The following ZNF608 variants were observed in gnomAD, a reference collection of about 807,000 sequenced individuals.
The protein encoded by ZNF608 is zinc finger protein 608.
Under a neutral mutation model 109.0 loss-of-function variants are expected in ZNF608, and 12 were observed. The observed-to-expected ratio is 0.11, with a 90% confidence interval of 0.07 to 0.18. The LOEUF is 0.18. Among genes scored for constraint, ZNF608 ranks in the 10% least tolerant of loss-of-function variants. The pLI, the probability that ZNF608 is intolerant of heterozygous loss-of-function variation, is 1.00. For synonymous variants in ZNF608, 732 were observed against 717.4 expected (o/e 1.02, Z -0.33); for missense variants, 1,707 against 1,879.3 (o/e 0.91, Z 1.70).
At chr5:124,641,627 G>A (rs958333844) in intron 7 of ZNF608, among the ~76,000 whole-genome samples, 5 of 152,128 alleles carry the variant, frequency 3.3e-5, no homozygotes, top group Non-Finnish European at 1.5e-5. Context: ...TAAACCAAGT[G>A]ACACCAATGT....
intron 2 of ZNF608, among the ~76,000 whole-genome samples, chr5:124,704,278 G>A (rs1348269596): frequency 2.0e-5 from 3 of 152,196 alleles, no homozygotes; most frequent in Admixed American, 1.3e-4. Flanking sequence ...TTGCACAAGT[G>A]AATTTCTTCG....
At chr5:124,713,201 G>A (rs1753569721) in intron 2 of ZNF608, among the ~76,000 whole-genome samples, 2 of 152,160 alleles carry the variant, frequency 1.3e-5, no homozygotes, top group East Asian at 3.9e-4. Flanking sequence ...GTTCCCTAAG[G>A]TGGTTCCACC....
chr5:124,646,376 A>T (rs192922731), intron 5 of ZNF608, among the ~76,000 whole-genome samples: 1,764 of 152,292 alleles, frequency 0.012, 41 homozygotes, highest in African/African-American at 0.041. Context: ...TAAAAAATTT[A>T]AAAAAAGAAA....
intron 2 of ZNF608, among the ~76,000 whole-genome samples, chr5:124,738,901 C>T (rs1364324280): frequency 6.6e-6 from 1 of 152,206 alleles, no homozygotes; most frequent in African/African-American, 2.4e-5. Context: ...CGTTAAAAAA[C>T]CAGATCACAC....
intron 2 of ZNF608, among the ~76,000 whole-genome samples, chr5:124,729,626 T>C (rs1436675667): frequency 1.3e-5 from 2 of 152,254 alleles, no homozygotes; most frequent in Non-Finnish European, 1.5e-5. Flanking sequence ...CTTCTATATG[T>C]GTATATGTTT....
At chr5:124,683,856 G>C (rs1255315099) in intron 3 of ZNF608, among the ~76,000 whole-genome samples, 1 of 152,188 alleles carries the variant, frequency 6.6e-6, no homozygotes, top group Non-Finnish European at 1.5e-5. Context: ...ATCTGGTACA[G>C]GCACGTTAGA....
At chr5:124,678,867 T>A (rs562227185) in intron 3 of ZNF608, among the ~76,000 whole-genome samples, 3 of 152,220 alleles carry the variant, frequency 2.0e-5, no homozygotes, top group Admixed American at 6.5e-5. Context: ...CACCATTAAG[T>A]CAGAAAAGTC....
Position 124,646,853 on chromosome 5 carries a change from A to C in ZNF608, c.3531T>G (p.Thr1177=). 9 of 1,614,186 alleles carry C rather than the reference A, an allele frequency of 5.6e-6. No individual in the cohort carries two copies. The highest frequency in any genetic ancestry group is 7.6e-6 in the Non-Finnish European group (9 of 1,180,030). The part of the protein sequence containing the change: ...SKLGPSVPNK[T]EETGKSQLLS... Reference sequence around the variant, plus strand: ...GAAGCTGCGATTTACCTGTCTCCTCAGTTTTATTAGGCACTGATGGCCCTA... The same window carrying C: ...GAAGCTGCGATTTACCTGTCTCCTCCGTTTTATTAGGCACTGATGGCCCTA... The change falls in exon 5 of 10, where the codon ACT becomes ACG. Residue 1177 remains threonine, a synonymous_variant. Coordinates refer to ENST00000513986, the MANE Select transcript of ZNF608 (RefSeq NM_020747.3).
At chr5:124,706,008 G>GCCCTTCTGC (rs1753244884) in intron 2 of ZNF608, among the ~76,000 whole-genome samples, 1 of 152,232 alleles carries the variant, frequency 6.6e-6, no homozygotes, top group Non-Finnish European at 1.5e-5. Context: ...CTTCTGGACT[G>GCCCTTCTGC]ACTGTGTAGT....
At position 124,744,708 on chromosome 5, in the gene ZNF608, C is replaced by T; in HGVS notation, c.282G>A (p.Gln94=). 1 of 1,614,198 alleles carries T rather than the reference C, an allele frequency of 6.2e-7. No homozygotes were observed. The change falls in exon 2 of 10, where the codon CAG becomes CAA. Residue 94 remains glutamine, a synonymous_variant. Transcript: ENST00000513986. The surrounding 1 kb of genome is among the most constrained non-coding windows in gnomAD (Gnocchi z 4.5). ...TGCTGGTCTCTTTGTGTGAATTCCC[C>T]TGGGGAGCAGAGGCCTGAACAGAAG... The part of the protein sequence containing the change: ...KFASVQASAP[Q]GNSHKETSKS...
chr5:124,683,872 G>A (rs532830560), intron 3 of ZNF608, among the ~76,000 whole-genome samples: 1 of 152,090 alleles, frequency 6.6e-6, no homozygotes, highest in Admixed American at 6.6e-5. Context: ...TTAGACCAGG[G>A]GTTCCAAAAC....
At chr5:124,709,446 A>C (rs184154028) in intron 2 of ZNF608, among the ~76,000 whole-genome samples, 23 of 152,340 alleles carry the variant, frequency 1.5e-4, no homozygotes, top group Admixed American at 7.8e-4. Context: ...TACTCTACTC[A>C]ATGTCTTAAA....
chr5:124,661,579 A>C (rs979282858), intron 3 of ZNF608, among the ~76,000 whole-genome samples: 2 of 152,148 alleles, frequency 1.3e-5, no homozygotes, highest in African/African-American at 4.8e-5. Flanking sequence ...AGTGTGACTA[A>C]TAGTGCTCTC....
At chr5:124,743,944 A>G (rs769857559) in intron 2 of ZNF608, 140 bp downstream of exon 2, 22 of 1,257,544 alleles carry the variant, frequency 1.7e-5, no homozygotes, top group Middle Eastern at 2.1e-4. Flanking sequence ...TCAAATTTTA[A>G]TATAAAGGAT....
At chr5:124,707,867 C>G (rs995626339) in intron 2 of ZNF608, 2 of 152,246 alleles carry the variant, frequency 1.3e-5, no homozygotes, top group African/African-American at 4.8e-5. Context: ...AAACCTGTAA[C>G]AACTGAATTT....
chr5:124,712,010 G>GTAGCT (rs1222850783), intron 2 of ZNF608, among the ~76,000 whole-genome samples: 1 of 152,182 alleles, frequency 6.6e-6, no homozygotes, highest in East Asian at 1.9e-4. Flanking sequence ...TTAGCCGGGT[G>GTAGCT]TAGGTGTGTG....
chr5:124,661,483 GA>G (rs34532609), intron 3 of ZNF608, among the ~76,000 whole-genome samples: 66,762 of 136,310 alleles, frequency 0.49, 15,381 homozygotes, highest in East Asian at 0.69. Flanking sequence ...TTTCAGGGAA[GA>G]AAAAAAAAAA....
chr5:124,706,426 TG>T (rs1753262271), intron 2 of ZNF608, among the ~76,000 whole-genome samples: 1 of 152,238 alleles, frequency 6.6e-6, no homozygotes, highest in Non-Finnish European at 1.5e-5. Flanking sequence ...ATAGGTGGTT[TG>T]GCCCTATGGG....
At chr5:124,735,206 T>C (rs1040911233) in intron 2 of ZNF608, 2 of 152,268 alleles carry the variant, frequency 1.3e-5, no homozygotes, top group Non-Finnish European at 2.9e-5. Context: ...AGTCACATTT[T>C]GCAACTAATT....
Sources: gnomAD v4.1 joint callset for allele counts (sites outside exome capture counted in the v4.1 genomes callset) on GRCh38, gnomAD v4.1.1 for gene constraint, Gnocchi (gnomAD v3.1) non-coding constraint, MANE v1.5 for transcripts, NCBI Gene and HGNC (gene_info 2026-07-23, HGNC 2026-07-21) for gene names.